The following MUC22 variants were observed in gnomAD, a reference collection of about 807,000 sequenced individuals.
MUC22 encodes mucin-22.
In MUC22, 24 loss-of-function variants were observed where a neutral mutation model predicts 40.3. The ratio of observed to expected loss-of-function variants is 0.60; its 90% CI spans 0.43 to 0.84. The LOEUF is 0.84. MUC22 is among the 40% of genes least tolerant of loss of function. The probability of loss-of-function intolerance (pLI) is 0.00; values close to 1 mark genes in which losing one functional copy is unlikely to be tolerated. For synonymous variants in MUC22, 765 were observed against 844.5 expected (o/e 0.91, Z 1.63); for missense variants, 1,926 against 2,130.7 (o/e 0.90, Z 1.89).
chr6:31,025,593 C>T (rs1765214835), exon 2 of MUC22: 6 of 1,523,440 alleles, frequency 3.9e-6, no homozygotes, highest in East Asian at 2.5e-5. Flanking sequence ...CCACCATGGC[C>T]TCTACTTCGG....
chr6:31,033,158 C>T (rs1766191713), intron 3 of MUC22, among the ~76,000 whole-genome samples: 1 of 150,880 alleles, frequency 6.6e-6, no homozygotes, highest in African/African-American at 2.4e-5. Context: ...GAGCAAGATC[C>T]TGTCTCGAAA....
At chr6:31,025,990 A>G in exon 2 of MUC22, 1 of 1,534,316 alleles carries the variant, frequency 6.5e-7, no homozygotes, top group Non-Finnish European at 8.7e-7. Flanking sequence ...TGAGACTGCC[A>G]CAGTCTCTAC....
chr6:31,019,778 C>T (rs952158269), intron 1 of MUC22, among the ~76,000 whole-genome samples: 3 of 152,096 alleles, frequency 2.0e-5, no homozygotes, highest in Admixed American at 2.0e-4. Flanking sequence ...CCCTTGAACC[C>T]GGGAGGTGGA....
At chr6:31,035,038 G>A (rs889273848) in exon 4 of MUC22, 2 of 1,256,228 alleles carry the variant, frequency 1.6e-6, no homozygotes, top group Non-Finnish European at 2.2e-6. Context: ...ATTATGGGTG[G>A]GAGGGGGTCA....
At chr6:31,026,573 C>A in exon 2 of MUC22, 1 of 1,501,336 alleles carries the variant, frequency 6.7e-7, no homozygotes, top group Non-Finnish European at 8.9e-7. Context: ...ACAAACTCTA[C>A]TACAAGCTCT....
exon 2 of MUC22, chr6:31,026,471 C>T: frequency 2.0e-6 from 3 of 1,507,876 alleles, no homozygotes; most frequent in East Asian, 2.5e-5. Context: ...GGCTCTGAGA[C>T]CACCGTCTCC....
intron 2 of MUC22, among the ~76,000 whole-genome samples, chr6:31,030,361 C>CA (rs772398334): frequency 4.3e-4 from 65 of 152,156 alleles, no homozygotes; most frequent in African/African-American, 1.4e-3. Context: ...ACTAAAAATA[C>CA]AAAAAATTAG....
exon 2 of MUC22, chr6:31,026,381 T>C (rs775598030): frequency 2.7e-6 from 4 of 1,499,166 alleles, no homozygotes; most frequent in Middle Eastern, 1.7e-4. Flanking sequence ...GGTTCTGAGA[T>C]CACCACCACC....
chr6:31,028,153 G>T lies in MUC22; in HGVS notation c.2722G>T (p.Val908Phe). ...CACCACAGACTCTGAGACCACCATGGTCTCTACCACAGGCTCTGAGAGGAC... is the reference window on the plus strand; with the variant it reads ...CACCACAGACTCTGAGACCACCATGTTCTCTACCACAGGCTCTGAGAGGAC... Residue 908 changes from valine (V) to phenylalanine (F), a missense_variant, in exon 2 of 4, where the codon GTC (valine) becomes TTC (phenylalanine). Coordinates refer to ENST00000561890, the Ensembl canonical transcript of MUC22. The T allele has an allele frequency of 6.5e-7, 1 of 1,533,312 alleles. No homozygotes were observed. The allele number at this position is 1,533,312 out of a possible 1,614,324, so 95.0% of individuals were successfully genotyped here.
upstream of MUC22, among the ~76,000 whole-genome samples, chr6:31,007,945 G>T (rs1158643439): frequency 6.6e-6 from 1 of 152,122 alleles, no homozygotes; most frequent in African/African-American, 2.4e-5. The surrounding 1 kb of genome is among the most constrained non-coding windows in gnomAD (Gnocchi z 4.0). Context: ...CCCTTATGAT[G>T]ACTCGTCCAT....
rs1634722 is a variant in MUC22 at position 31,011,307 on chromosome 6, C to T, written c.70+531C>T. 0.76 allele frequency among the ~76,000 whole-genome samples: 115,336 copies of T among 151,840 alleles called. 44,039 individuals carry two copies. The highest frequency in any genetic ancestry group is 0.81 in the African/African-American group (33,563 of 41,388). On this transcript the variant is annotated intron_variant, in intron 1 of 3. Transcript: ENST00000561890. This position sits in a 1 kb window ranked among gnomAD's most constrained non-coding sequence, Gnocchi z 4.5. ...GCACCCGTCACCAAGCAGTGTACAC[C>T]GCACCCACCCTATCTGTAGTCTTTT...
At chr6:31,022,338 A>G (rs961464327) in intron 1 of MUC22, among the ~76,000 whole-genome samples, 7 of 152,058 alleles carry the variant, frequency 4.6e-5, no homozygotes, top group Non-Finnish European at 1.0e-4. Context: ...CTAATTTTGT[A>G]TTTTTAGTAC....
chr6:31,025,900 A>G, exon 2 of MUC22: 1 of 1,535,572 alleles, frequency 6.5e-7, no homozygotes, highest in South Asian at 1.2e-5. Context: ...GGCCTCCAGC[A>G]CAACCTCCAC....
intron 1 of MUC22, among the ~76,000 whole-genome samples, chr6:31,022,974 A>G (rs1363798248): frequency 6.6e-6 from 1 of 152,024 alleles, no homozygotes; most frequent in Non-Finnish European, 1.5e-5. Flanking sequence ...TACTAAAAAT[A>G]CAAAAATTAG....
At chr6:31,027,140 C>T (rs767662552) in exon 2 of MUC22, 9 of 1,500,502 alleles carry the variant, frequency 6.0e-6, no homozygotes, top group Admixed American at 2.1e-5. Flanking sequence ...AAGGTCTCCA[C>T]TGCAAGCTCT....
At chr6:31,019,918 AGAGGGAGTATGGGGTG>A (rs1468042828) in intron 1 of MUC22, among the ~76,000 whole-genome samples, 18 of 152,290 alleles carry the variant, frequency 1.2e-4, no homozygotes, top group Non-Finnish European at 8.8e-5. Context: ...TGTGAGGGTG[AGAGGGAGTATGGGGTG>A]GAGGGAGTAT....
intron 1 of MUC22, among the ~76,000 whole-genome samples, chr6:31,013,152 A>G (rs1581602502): frequency 8.8e-6 from 1 of 113,518 alleles, no homozygotes; most frequent in Admixed American, 8.6e-5. Flanking sequence ...TTGGAGATGG[A>G]GTGTGGCTCT....
At chr6:31,030,567 TGGTCTCACC>T (rs1466855773) in intron 2 of MUC22, among the ~76,000 whole-genome samples, 1 of 133,510 alleles carries the variant, frequency 7.5e-6, no homozygotes, top group South Asian at 2.5e-4. Context: ...GCCTCTACTC[TGGTCTCACC>T]TCTTTTTTTT....
At chr6:31,012,988 AGCTTGGTGGGATG>A (rs997225151) in intron 1 of MUC22, among the ~76,000 whole-genome samples, 1 of 151,906 alleles carries the variant, frequency 6.6e-6, no homozygotes, top group African/African-American at 2.4e-5. Flanking sequence ...TGATTCAGTA[AGCTTGGTGGGATG>A]GCGTGGGTTC....
Sources: gnomAD v4.1 joint callset for allele counts (sites outside exome capture counted in the v4.1 genomes callset) on GRCh38, gnomAD v4.1.1 for gene constraint, Gnocchi (gnomAD v3.1) non-coding constraint, MANE v1.5 for transcripts, NCBI Gene and HGNC (gene_info 2026-07-23, HGNC 2026-07-21) for gene names.